Variants in PTPRD observed in about 807,000 individuals in gnomAD.
PTPRD encodes protein tyrosine phosphatase receptor type D.
In PTPRD, 34 loss-of-function variants were observed where a neutral mutation model predicts 214.5. That is an observed-to-expected ratio of 0.16 (90% CI 0.12 to 0.21). The LOEUF (loss-of-function observed/expected upper bound fraction) is 0.21, where lower values mean the gene tolerates loss of function less well. Ranked by LOEUF, PTPRD falls within the 10% of genes least tolerant of loss-of-function variation. The pLI is 1.00. For synonymous variants in PTPRD, 1,128 were observed against 845.7 expected, an observed-to-expected ratio of 1.33 and a Z score of -5.79; for missense variants, 2,545 against 2,398.7, an observed-to-expected ratio of 1.06 and a Z score of -1.27.
chr9:8,345,076 A>G (rs908048271), intron 39 of PTPRD, among the ~76,000 whole-genome samples: 1 of 151,228 alleles, frequency 6.6e-6, no homozygotes, highest in African/African-American at 2.4e-5. Context: ...GCTTTCGTCT[A>G]CTCTCTCAAG....
chr9:9,344,038 G>C (rs574882797), intron 9 of PTPRD, among the ~76,000 whole-genome samples: 40 of 152,164 alleles, frequency 2.6e-4, no homozygotes, highest in African/African-American at 9.2e-4. Context: ...TTATCTTCTA[G>C]ATAGCCAAGT....
chr9:9,076,384 T>C (rs1318537482), intron 10 of PTPRD, among the ~76,000 whole-genome samples: 1 of 152,090 alleles, frequency 6.6e-6, no homozygotes, highest in African/African-American at 2.4e-5. Flanking sequence ...GTGCAGAAGC[T>C]CTTTAGTTTA....
intron 11 of PTPRD, among the ~76,000 whole-genome samples, chr9:8,815,685 A>G (rs1188955862): frequency 6.6e-6 from 1 of 152,144 alleles, no homozygotes; most frequent in African/African-American, 2.4e-5. Flanking sequence ...CCTGCATAAA[A>G]TTATTCCTAG....
At chr9:10,002,649 A>G (rs1474560490) in intron 4 of PTPRD, among the ~76,000 whole-genome samples, 3 of 151,430 alleles carry the variant, frequency 2.0e-5, no homozygotes, top group African/African-American at 7.2e-5. Flanking sequence ...AAGAACTGTA[A>G]ACACATATGT....
chr9:8,428,992 G>C (rs1006343571), intron 35 of PTPRD, among the ~76,000 whole-genome samples: 2 of 152,146 alleles, frequency 1.3e-5, no homozygotes, highest in Non-Finnish European at 2.9e-5. Flanking sequence ...CCTCTGCGGA[G>C]AAATACAATG....
chr9:8,845,177 C>CGA (rs1555421686), intron 11 of PTPRD, among the ~76,000 whole-genome samples: 1 of 149,296 alleles, frequency 6.7e-6, no homozygotes, highest in Non-Finnish European at 1.5e-5. Context: ...GAAAAAAAAA[C>CGA]AAAAACAAAA....
chr9:10,488,912 G>A (rs1304848504), intron 2 of PTPRD, among the ~76,000 whole-genome samples: 1 of 152,136 alleles, frequency 6.6e-6, no homozygotes, highest in Non-Finnish European at 1.5e-5. Flanking sequence ...CCAAGTCCTA[G>A]AATCAAGGAC....
At chr9:9,567,620 A>G (rs1334522943) in intron 8 of PTPRD, among the ~76,000 whole-genome samples, 1 of 152,026 alleles carries the variant, frequency 6.6e-6, no homozygotes, top group Non-Finnish European at 1.5e-5. Context: ...GATGTAGTAC[A>G]CCAACAAAGC....
intron 14 of PTPRD, among the ~76,000 whole-genome samples, chr9:8,561,530 C>T (rs987798638): frequency 5.3e-5 from 8 of 152,122 alleles, no homozygotes; most frequent in African/African-American, 1.4e-4. Flanking sequence ...CAGCCATGGG[C>T]CAAGCCGGTG....
At chr9:9,400,189 T>C (rs1207286656) in intron 8 of PTPRD, among the ~76,000 whole-genome samples, 1 of 151,408 alleles carries the variant, frequency 6.6e-6, no homozygotes, top group Non-Finnish European at 1.5e-5. Flanking sequence ...TTGCACAATA[T>C]GTTACCTTCC....
chr9:10,248,586 T>G (rs542567912), intron 3 of PTPRD, among the ~76,000 whole-genome samples: 150 of 148,440 alleles, frequency 1.0e-3, no homozygotes, highest in African/African-American at 3.6e-3. Flanking sequence ...AATTTGGAGA[T>G]TGTAGGTTAA....
At chr9:9,270,551 A>G (rs1290043851) in intron 9 of PTPRD, among the ~76,000 whole-genome samples, 1 of 151,370 alleles carries the variant, frequency 6.6e-6, no homozygotes, top group Non-Finnish European at 1.5e-5. Context: ...ACTACAGAGT[A>G]TAATGTGCTC....
chr9:9,701,979 C>T (rs1345683283), intron 7 of PTPRD, among the ~76,000 whole-genome samples: 2 of 151,918 alleles, frequency 1.3e-5, no homozygotes, highest in Admixed American at 6.6e-5. Context: ...ATTAGCCAGG[C>T]ATGGTGGTGC....
chr9:10,367,246 T>C (rs1435927793), intron 2 of PTPRD, among the ~76,000 whole-genome samples: 5 of 152,266 alleles, frequency 3.3e-5, no homozygotes, highest in African/African-American at 1.2e-4. Context: ...AAAATTCAAT[T>C]GTGCCAAAGC....
chr9:9,720,834 C>A (rs1276483994), intron 7 of PTPRD, among the ~76,000 whole-genome samples: 1 of 152,066 alleles, frequency 6.6e-6, no homozygotes, highest in Admixed American at 6.6e-5. Context: ...GATATCATGT[C>A]TTTTGTTGGA....
chr9:10,223,245 TTC>T (rs1237248483), intron 3 of PTPRD, among the ~76,000 whole-genome samples: 1 of 151,916 alleles, frequency 6.6e-6, no homozygotes, highest in Non-Finnish European at 1.5e-5. Context: ...CTTTTCTTAC[TTC>T]TGTTTCTTCT....
chr9:8,355,851 A>G (rs1191887950), intron 39 of PTPRD, among the ~76,000 whole-genome samples: 1 of 152,180 alleles, frequency 6.6e-6, no homozygotes, highest in Non-Finnish European at 1.5e-5. Flanking sequence ...AGCCATGCTG[A>G]TATGGCTGGT....
At chr9:10,000,955 C>A (rs879837093) in intron 4 of PTPRD, among the ~76,000 whole-genome samples, 1 of 152,156 alleles carries the variant, frequency 6.6e-6, no homozygotes. Flanking sequence ...TCCACTGGGC[C>A]GTATGCAAAT....
chr9:8,326,288 G>C (rs1253172150), intron 44 of PTPRD, among the ~76,000 whole-genome samples: 1 of 152,184 alleles, frequency 6.6e-6, no homozygotes, highest in African/African-American at 2.4e-5. Context: ...AAGGGCTCAT[G>C]AATTTTGCCA....
Sources: gnomAD v4.1 joint callset for allele counts (sites outside exome capture counted in the v4.1 genomes callset) on GRCh38, gnomAD v4.1.1 for gene constraint, MANE v1.5 for transcripts, NCBI Gene and HGNC (gene_info 2026-07-23, HGNC 2026-07-21) for gene names.